MARCHF3: variants seen among roughly 807,000 people sequenced by gnomAD.
MARCHF3 encodes membrane associated ring-CH-type finger 3.
A neutral mutation model predicts 24.2 loss-of-function variants in MARCHF3; 13 were observed. The ratio of observed to expected loss-of-function variants is 0.54; its 90% confidence interval spans 0.35 to 0.85. The LOEUF (loss-of-function observed/expected upper bound fraction) is 0.85. Among genes scored for constraint, MARCHF3 ranks in the 40% least tolerant of loss-of-function variants. The probability of loss-of-function intolerance (pLI) is 0.01; values close to 1 mark genes in which losing one functional copy is unlikely to be tolerated. For missense variants in MARCHF3, 276 were observed against 325.0 expected, an observed-to-expected ratio of 0.85 and a Z score of 1.16; for synonymous variants, 144 against 137.3, an observed-to-expected ratio of 1.05 and a Z score of -0.34.
At chr5:126,875,982 C>T (rs1452059667) in intron 4 of MARCHF3, among the ~76,000 whole-genome samples, 3 of 152,092 alleles carry the variant, frequency 2.0e-5, no homozygotes, top group Non-Finnish European at 4.4e-5. Context: ...AACACAGGGC[C>T]CTTGGATTCT....
intron 1 of MARCHF3, among the ~76,000 whole-genome samples, chr5:126,993,626 A>G (rs1272668135): frequency 6.6e-6 from 1 of 152,158 alleles, no homozygotes; most frequent in East Asian, 1.9e-4. Flanking sequence ...TCCCCTGAAT[A>G]TCAGGGCAGA....
intron 4 of MARCHF3, among the ~76,000 whole-genome samples, chr5:126,872,228 T>C (rs1265909034): frequency 6.6e-6 from 1 of 151,484 alleles, no homozygotes; most frequent in African/African-American, 2.4e-5. Context: ...GCCTGGCTGA[T>C]TTTGTATTTT....
chr5:127,012,029 C>G (rs550523229), intron 1 of MARCHF3, among the ~76,000 whole-genome samples: 2 of 152,264 alleles, frequency 1.3e-5, no homozygotes, highest in South Asian at 4.1e-4. Context: ...TTTGGACGAC[C>G]AATGCAGCAA....
intron 1 of MARCHF3, among the ~76,000 whole-genome samples, chr5:126,962,293 T>C (rs1750664940): frequency 6.6e-6 from 1 of 152,146 alleles, no homozygotes; most frequent in African/African-American, 2.4e-5. Context: ...TAACTGGCTG[T>C]GTCCCTGTGG....
rs73787405 is a variant in MARCHF3 at position 127,015,867 on chromosome 5, A to G, written c.-57+14483T>C. ...AAACTGTGCACCGTTCTGATGATGA[A>G]ATCTCATGCTGTCCCACTCCATCCT... On this transcript the variant is annotated intron_variant, in intron 1 of 4. Transcript: ENST00000308660. Among the ~76,000 whole-genome samples, 1,263 of 152,206 alleles carry G rather than the reference A, an allele frequency of 8.3e-3. 18 individuals are homozygous for G. Among genetic ancestry groups the G allele is most frequent in the East Asian group, 0.025 (131 of 5,176 alleles).
At chr5:126,874,888 T>G (rs1210526182) in intron 4 of MARCHF3, among the ~76,000 whole-genome samples, 1 of 152,184 alleles carries the variant, frequency 6.6e-6, no homozygotes, top group Non-Finnish European at 1.5e-5. Flanking sequence ...AGCGTTCCAT[T>G]GGCAGTTCCC....
rs7712736 is a variant in MARCHF3, at chr5:126,950,176, T to C, written c.-56-31949A>G. The stretch of plus-strand genomic sequence containing the variant: ...TTGTGTGCACCCACAGCTTCTTGTC[T>C]AGTTTCCTGGCAAAACCAGGATCCA... On this transcript the variant is annotated intron_variant, in intron 1 of 4. Transcript: ENST00000308660. Among the ~76,000 whole-genome samples, 1,310 of 152,292 alleles carry C rather than the reference T, an allele frequency of 8.6e-3. 20 individuals are homozygous for C. The highest frequency in any genetic ancestry group is 0.03 in the African/African-American group (1,241 of 41,578).
intron 1 of MARCHF3, among the ~76,000 whole-genome samples, chr5:126,970,928 G>C (rs1341327205): frequency 6.6e-6 from 1 of 152,188 alleles, no homozygotes; most frequent in East Asian, 1.9e-4. Context: ...AAGCAGAGGA[G>C]AGTTCAGTCT....
At chr5:127,001,750 C>A (rs550884403) in intron 1 of MARCHF3, among the ~76,000 whole-genome samples, 1 of 152,336 alleles carries the variant, frequency 6.6e-6, no homozygotes, top group East Asian at 1.9e-4. Flanking sequence ...ACAATCTATT[C>A]TCCACATAGC....
At chr5:127,026,722 C>A (rs1167725618) in intron 1 of MARCHF3, among the ~76,000 whole-genome samples, 1 of 152,070 alleles carries the variant, frequency 6.6e-6, no homozygotes, top group East Asian at 1.9e-4. Flanking sequence ...AAATATTATC[C>A]TTTTGTAGCT....
At chr5:126,977,746 A>G (rs1055964764) in intron 1 of MARCHF3, among the ~76,000 whole-genome samples, 1 of 152,268 alleles carries the variant, frequency 6.6e-6, no homozygotes, top group Admixed American at 6.5e-5. Flanking sequence ...GTAAGTGTAC[A>G]GGAATGGCTA....
intron 3 of MARCHF3, among the ~76,000 whole-genome samples, chr5:126,906,461 T>C (rs1230406129): frequency 6.6e-6 from 1 of 152,216 alleles, no homozygotes; most frequent in Non-Finnish European, 1.5e-5. Context: ...CTCTTTTTCG[T>C]TGGTAAGCTA....
intron 1 of MARCHF3, among the ~76,000 whole-genome samples, chr5:126,937,235 T>C (rs923595178): frequency 3.9e-5 from 6 of 152,242 alleles, no homozygotes; most frequent in African/African-American, 1.4e-4. Flanking sequence ...TTGGGGGCAG[T>C]CACAGATGTC....
intron 1 of MARCHF3, among the ~76,000 whole-genome samples, chr5:127,017,141 A>G (rs1180796152): frequency 1.3e-5 from 2 of 152,208 alleles, no homozygotes; most frequent in Non-Finnish European, 2.9e-5. Context: ...GAGGGATAGC[A>G]TTAGGAGAAA....
chr5:126,945,687 G>A (rs550311138), intron 1 of MARCHF3, among the ~76,000 whole-genome samples: 1 of 152,342 alleles, frequency 6.6e-6, no homozygotes, highest in African/African-American at 2.4e-5. Flanking sequence ...GCATGGTAAA[G>A]GTTGTAAGTA....
intron 1 of MARCHF3, among the ~76,000 whole-genome samples, chr5:126,947,708 A>C (rs921510484): frequency 6.6e-6 from 1 of 152,176 alleles, no homozygotes; most frequent in Non-Finnish European, 1.5e-5. Context: ...CTAAAAAACA[A>C]GTCTTTAAAA....
intron 1 of MARCHF3, among the ~76,000 whole-genome samples, chr5:126,962,186 T>G (rs1750659217): frequency 6.6e-6 from 1 of 152,114 alleles, no homozygotes; most frequent in East Asian, 1.9e-4. Flanking sequence ...TAAACATTCA[T>G]GGAACTCAGG....
rs1752893487 is a variant in MARCHF3 at position 126,869,582 on chromosome 5, C to CTTTTTTTGTTTTTTTTTTTT, written c.*1050_*1051insAAAAAAAAAAAACAAAAAAA. 2.5e-5 allele frequency: 2 copies of CTTTTTTTGTTTTTTTTTTTT among 79,832 alleles called. 1 individual carries two copies. The highest frequency in any genetic ancestry group is 1.1e-4 in the African/African-American group (2 of 18,756). 4.9% of individuals were successfully genotyped at this position (79,832 alleles called of 1,614,324 possible). ...ATAAGTGCAGGGCTGCTAGGACAGG[C>CTTTTTTTGTTTTTTTTTTTT]TTTTTTTTTTTTTTTTTTTTTTGCC... is the stretch of plus-strand genomic sequence containing the variant. On this transcript the variant is annotated 3_prime_UTR_variant, in exon 5 of 5. Transcript: ENST00000308660.
intron 3 of MARCHF3, among the ~76,000 whole-genome samples, chr5:126,904,932 G>A (rs1294081422): frequency 2.3e-5 from 3 of 131,820 alleles, no homozygotes; most frequent in African/African-American, 3.0e-5. Flanking sequence ...TTCTTCTAGG[G>A]TTTTTATGGT....
Sources: allele counts gnomAD v4.1 joint callset (sites outside exome capture counted in the v4.1 genomes callset), GRCh38; gene constraint gnomAD v4.1.1; transcripts MANE v1.5; gene names NCBI Gene and HGNC (gene_info 2026-07-23, HGNC 2026-07-21).